SNX29: variants seen among roughly 807,000 people sequenced by gnomAD.
SNX29 encodes sorting nexin 29, also known as sorting nexin-29.
A neutral mutation model predicts 102.1 loss-of-function variants in SNX29; 78 were observed. The ratio of observed to expected loss-of-function variants is 0.76; its 90% confidence interval spans 0.64 to 0.92. The LOEUF is 0.92. Among genes scored for constraint, SNX29 ranks in the 40% least tolerant of loss-of-function variants. The pLI is 0.00. For missense variants in SNX29, 1,280 were observed against 1,061.7 expected, an observed-to-expected ratio of 1.21 and a Z score of -2.86; for synonymous variants, 580 against 414.5, an observed-to-expected ratio of 1.40 and a Z score of -4.85.
intron 14 of SNX29, among the ~76,000 whole-genome samples, chr16:12,224,784 C>T (rs2077567943): frequency 6.6e-6 from 1 of 152,098 alleles, no homozygotes; most frequent in Admixed American, 6.5e-5. Context: ...CTGATGGAGT[C>T]CCAGCTCTGT....
intron 16 of SNX29, among the ~76,000 whole-genome samples, chr16:12,357,753 C>T (rs1030611577): frequency 2.0e-5 from 3 of 152,166 alleles, no homozygotes; most frequent in Non-Finnish European, 4.4e-5. Context: ...TATGAATCCA[C>T]TACTGTCTTA....
intron 13 of SNX29, among the ~76,000 whole-genome samples, chr16:12,137,032 G>A (rs528330633): frequency 6.6e-6 from 1 of 152,186 alleles, no homozygotes; most frequent in African/African-American, 2.4e-5. Context: ...GAGCCACGGT[G>A]CCCAGCCTAG....
intron 3 of SNX29, among the ~76,000 whole-genome samples, chr16:12,005,147 C>T (rs1365639759): frequency 6.6e-6 from 1 of 152,198 alleles, no homozygotes; most frequent in Admixed American, 6.5e-5. Context: ...TGTACACAAG[C>T]ACTTTGTGCC....
At chr16:12,084,577 C>T (rs1383115547) in intron 11 of SNX29, among the ~76,000 whole-genome samples, 2 of 152,122 alleles carry the variant, frequency 1.3e-5, no homozygotes, top group African/African-American at 2.4e-5. Context: ...CTGTTGCTCT[C>T]GGGAGGCCAT....
intron 11 of SNX29, among the ~76,000 whole-genome samples, chr16:12,106,121 C>A (rs2053225752): frequency 6.6e-6 from 1 of 152,176 alleles, no homozygotes; most frequent in Non-Finnish European, 1.5e-5. Flanking sequence ...AATGCTCTCA[C>A]CGGGGACTCT....
chr16:12,227,930 C>T (rs904118017), intron 14 of SNX29, among the ~76,000 whole-genome samples: 8 of 123,006 alleles, frequency 6.5e-5, no homozygotes, highest in Non-Finnish European at 1.2e-4. Context: ...AAAAAAAGAC[C>T]GAAGTGAGGT....
chr16:12,539,765 G>A (rs1019293700), intron 20 of SNX29, among the ~76,000 whole-genome samples: 2 of 152,170 alleles, frequency 1.3e-5, no homozygotes, highest in African/African-American at 2.4e-5. Flanking sequence ...GTCTTAATTT[G>A]CATTTTCCTA....
intron 18 of SNX29, among the ~76,000 whole-genome samples, chr16:12,407,194 G>A (rs780576318): frequency 6.6e-6 from 1 of 152,196 alleles, no homozygotes; most frequent in South Asian, 2.1e-4. Flanking sequence ...GCCCTTCATG[G>A]CTTCCAGCTC....
chr16:12,506,785 C>T (rs1439817418), intron 19 of SNX29, among the ~76,000 whole-genome samples: 1 of 152,202 alleles, frequency 6.6e-6, no homozygotes, highest in Non-Finnish European at 1.5e-5. Flanking sequence ...ATCTGTCTGC[C>T]TGGCCTGGAA....
At chr16:12,557,026 GCC>G (rs759205533) in intron 20 of SNX29, among the ~76,000 whole-genome samples, 4 of 11,590 alleles carry the variant, frequency 3.5e-4, no homozygotes, top group South Asian at 2.5e-3. Flanking sequence ...CCCCCCCCCC[GCC>G]CCAAGATGAG....
Position 12,403,400 on chromosome 16 carries a change from G to T in SNX29, c.1956-48G>T, listed in dbSNP as rs757985579. Reference sequence around the variant, plus strand: ...CCTCTTTTTTATTTTTTATTTTTTTGTAAGTTAAAATGTCTAATGTTGGTC... The same window carrying T: ...CCTCTTTTTTATTTTTTATTTTTTTTTAAGTTAAAATGTCTAATGTTGGTC... On this transcript the variant is annotated intron_variant, in intron 17 of 20. Coordinates refer to ENST00000566228, the MANE Select transcript of SNX29 (RefSeq NM_032167.5). The T allele has an allele frequency of 4.6e-6, 7 of 1,507,040 alleles. No individual in the cohort carries two copies. The East Asian group carries it at 1.2e-4, about 26-fold the overall frequency. The allele number at this position is 1,507,040 out of a possible 1,614,324, so 93.4% of individuals were successfully genotyped here.
chr16:12,435,266 C>A (rs1193929242), intron 18 of SNX29, among the ~76,000 whole-genome samples: 1 of 152,172 alleles, frequency 6.6e-6, no homozygotes, highest in African/African-American at 2.4e-5. Context: ...CTGGTCTTAG[C>A]CAGTATTGAG....
chr16:12,446,122 C>G (rs902872924), intron 18 of SNX29, among the ~76,000 whole-genome samples: 3 of 145,402 alleles, frequency 2.1e-5, no homozygotes, highest in African/African-American at 5.1e-5. Context: ...GCGGTGCAAT[C>G]TCGGCTCACT....
chr16:12,567,112 A>C (rs1214943602), intron 20 of SNX29, among the ~76,000 whole-genome samples: 1 of 152,244 alleles, frequency 6.6e-6, no homozygotes, highest in Non-Finnish European at 1.5e-5. Flanking sequence ...TATGAATGCA[A>C]GTCTCTTAAC....
rs998467541 is a variant in SNX29, at chr16:12,573,422, T to A, written c.*4793T>A. 1 of 223,510 alleles carries A rather than the reference T, an allele frequency of 4.5e-6. No homozygotes were observed. The highest frequency in any genetic ancestry group is 2.2e-5 in the African/African-American group (1 of 44,818). 13.8% of individuals were successfully genotyped at this position (223,510 alleles called of 1,614,324 possible). ...TCTATAGAGAAGTGAAAAAGAAATC[T>A]GGCTTCCTTAATAAGATAGTTGAGC... On this transcript the variant is annotated 3_prime_UTR_variant, in exon 21 of 21. Coordinates refer to ENST00000566228, the MANE Select transcript of SNX29 (RefSeq NM_032167.5).
At chr16:12,119,605 G>C (rs1390667909) in intron 11 of SNX29, among the ~76,000 whole-genome samples, 1 of 152,216 alleles carries the variant, frequency 6.6e-6, no homozygotes, top group African/African-American at 2.4e-5. Context: ...TTTTCCAAAA[G>C]AGGACAGAGA....
At chr16:12,349,570 G>C (rs2081937074) in intron 15 of SNX29, among the ~76,000 whole-genome samples, 1 of 152,182 alleles carries the variant, frequency 6.6e-6, no homozygotes, top group Non-Finnish European at 1.5e-5. Context: ...CAGATTTTCA[G>C]ATTTGGGATG....
At chr16:12,198,621 C>G (rs915194169) in intron 13 of SNX29, among the ~76,000 whole-genome samples, 3 of 152,214 alleles carry the variant, frequency 2.0e-5, no homozygotes, top group African/African-American at 7.2e-5. Context: ...TCTGGTAGAG[C>G]TGGTCAGAAA....
chr16:12,041,703 T>C (rs187636610), intron 4 of SNX29, among the ~76,000 whole-genome samples: 3 of 152,324 alleles, frequency 2.0e-5, no homozygotes, highest in Admixed American at 1.3e-4. Context: ...CAAGTTTCTC[T>C]CTGCCTGCCT....
Sources: gnomAD v4.1 joint callset for allele counts (sites outside exome capture counted in the v4.1 genomes callset) on GRCh38, gnomAD v4.1.1 for gene constraint, MANE v1.5 for transcripts, NCBI Gene and HGNC (gene_info 2026-07-23, HGNC 2026-07-21) for gene names.